The following KIAA1549L variants were observed in gnomAD, a reference collection of about 807,000 sequenced individuals.
The protein encoded by KIAA1549L is KIAA1549 like, also known as UPF0606 protein KIAA1549L.
Under a neutral mutation model 160.7 loss-of-function variants are expected in KIAA1549L, and 88 were observed. The ratio of observed to expected loss-of-function variants is 0.55; its 90% CI spans 0.46 to 0.65. KIAA1549L has a LOEUF of 0.65. KIAA1549L is among the 30% of genes least tolerant of loss of function. The pLI, the probability that KIAA1549L is intolerant of heterozygous loss-of-function variation, is 0.00. For synonymous variants in KIAA1549L, 950 were observed against 976.7 expected (o/e 0.97, Z 0.51); for missense variants, 2,258 against 2,437.5 (o/e 0.93, Z 1.55).
intron 1 of KIAA1549L, among the ~76,000 whole-genome samples, chr11:33,399,979 T>C (rs1049760511): frequency 7.9e-5 from 12 of 152,362 alleles, no homozygotes; most frequent in African/African-American, 2.4e-4. Flanking sequence ...CTCATACTGC[T>C]AGGAAATCGA....
At chr11:33,445,405 A>G in intron 1 of KIAA1549L, among the ~76,000 whole-genome samples, 1 of 152,224 alleles carries the variant, frequency 6.6e-6, no homozygotes, top group South Asian at 2.1e-4. Context: ...CAGAAGAAAC[A>G]GACAAGCTGG....
chr11:33,556,070 T>G (rs1208646146), intron 6 of KIAA1549L, among the ~76,000 whole-genome samples: 1 of 152,176 alleles, frequency 6.6e-6, no homozygotes, highest in African/African-American at 2.4e-5. Flanking sequence ...ATGCTCTGCG[T>G]CACTAATCAT....
At chr11:33,433,463 A>G (rs1177858868) in intron 1 of KIAA1549L, among the ~76,000 whole-genome samples, 1 of 152,180 alleles carries the variant, frequency 6.6e-6, no homozygotes, top group East Asian at 1.9e-4. Context: ...GGTTGTGGAG[A>G]AATAGGAACG....
chr11:33,658,986 AC>A, intron 19 of KIAA1549L, 88 bp downstream of exon 19: 1 of 1,336,332 alleles, frequency 7.5e-7, no homozygotes, highest in Non-Finnish European at 1.0e-6. Context: ...TCTCCTTTCT[AC>A]CTACCACCCT....
intron 16 of KIAA1549L, among the ~76,000 whole-genome samples, chr11:33,645,135 G>A (rs978848230): frequency 6.6e-6 from 1 of 152,198 alleles, no homozygotes; most frequent in Admixed American, 6.5e-5. Flanking sequence ...ACAGATGGCT[G>A]GGCCTCACCC....
intron 1 of KIAA1549L, among the ~76,000 whole-genome samples, chr11:33,415,277 T>A (rs1850866073): frequency 6.6e-6 from 1 of 152,216 alleles, no homozygotes; most frequent in African/African-American, 2.4e-5. Flanking sequence ...TATTTGACAG[T>A]GGATTGCATA....
chr11:33,642,511 C>G (rs998011094), intron 16 of KIAA1549L, among the ~76,000 whole-genome samples: 1 of 151,402 alleles, frequency 6.6e-6, no homozygotes, highest in Non-Finnish European at 1.5e-5. Context: ...GCTGCTGTAT[C>G]GTTCCCCTAT....
chr11:33,531,188 G>A (rs1477417067), intron 1 of KIAA1549L, among the ~76,000 whole-genome samples: 1 of 152,114 alleles, frequency 6.6e-6, no homozygotes, highest in Non-Finnish European at 1.5e-5. Flanking sequence ...TGGGGAGGCA[G>A]AGAGGCCAGT....
intron 1 of KIAA1549L, among the ~76,000 whole-genome samples, chr11:33,499,779 A>G (rs1565160098): frequency 1.3e-5 from 2 of 152,224 alleles, no homozygotes; most frequent in African/African-American, 4.8e-5. Context: ...CATTTATTTG[A>G]TAAATGTGCA....
At chr11:33,647,518 A>T (rs549900352) in intron 17 of KIAA1549L, among the ~76,000 whole-genome samples, 2 of 152,188 alleles carry the variant, frequency 1.3e-5, no homozygotes, top group Non-Finnish European at 2.9e-5. Flanking sequence ...CCGAGAAGTT[A>T]TAAGTTTTTG....
At chr11:33,485,228 C>T (rs1852496261) in intron 1 of KIAA1549L, among the ~76,000 whole-genome samples, 1 of 152,150 alleles carries the variant, frequency 6.6e-6, no homozygotes, top group Non-Finnish European at 1.5e-5. Context: ...TCAACTTGCC[C>T]CTTTCGAGTC....
At chr11:33,413,845 C>G (rs1217815920) in intron 1 of KIAA1549L, among the ~76,000 whole-genome samples, 1 of 152,140 alleles carries the variant, frequency 6.6e-6, no homozygotes, top group Admixed American at 6.5e-5. Flanking sequence ...CTCTGCATAC[C>G]TGTCCTTTTA....
At chr11:33,432,053 A>AGCCCAC (rs1851258939) in intron 1 of KIAA1549L, among the ~76,000 whole-genome samples, 2 of 152,194 alleles carry the variant, frequency 1.3e-5, no homozygotes, top group African/African-American at 4.8e-5. Context: ...GGGCCTGCCA[A>AGCCCAC]GCCCACGCCC....
intron 1 of KIAA1549L, among the ~76,000 whole-genome samples, chr11:33,540,799 G>C (rs78520552): frequency 4.5e-4 from 69 of 152,298 alleles, no homozygotes; most frequent in African/African-American, 1.6e-3. Context: ...CTGATCTGGT[G>C]ATCAGGAGAC....
At chr11:33,408,510 T>TATATATATATATATATATAC (rs58439063) in intron 1 of KIAA1549L, among the ~76,000 whole-genome samples, 23 of 146,100 alleles carry the variant, frequency 1.6e-4, no homozygotes, top group African/African-American at 5.1e-4. Context: ...TATATATATA[T>TATATATATATATATATATAC]ACACATGTAT....
intron 16 of KIAA1549L, among the ~76,000 whole-genome samples, chr11:33,643,387 GTTGCTAAGGAGTA>G (rs1192464744): frequency 2.0e-5 from 3 of 152,164 alleles, no homozygotes; most frequent in Non-Finnish European, 4.4e-5. Flanking sequence ...ATAGGGAGAT[GTTGCTAAGGAGTA>G]TGCTTTTGCC....
intron 18 of KIAA1549L, among the ~76,000 whole-genome samples, chr11:33,658,107 G>A (rs1359511198): frequency 8.5e-5 from 13 of 152,242 alleles, no homozygotes; most frequent in Admixed American, 8.5e-4. Flanking sequence ...AGCCTAGGCT[G>A]CCCTCTTCTT....
chr11:33,535,415 G>A (rs537394823), intron 1 of KIAA1549L, among the ~76,000 whole-genome samples: 1 of 152,296 alleles, frequency 6.6e-6, no homozygotes, highest in African/African-American at 2.4e-5. Context: ...GCTCATGCTG[G>A]TAATCTCAGC....
intron 1 of KIAA1549L, among the ~76,000 whole-genome samples, chr11:33,443,022 T>G (rs1851540539): frequency 6.6e-6 from 1 of 152,218 alleles, no homozygotes; most frequent in African/African-American, 2.4e-5. Context: ...TTCAAAATGA[T>G]TTGCTTAATT....
Sources: gnomAD v4.1 joint callset for allele counts (sites outside exome capture counted in the v4.1 genomes callset) on GRCh38, gnomAD v4.1.1 for gene constraint, MANE v1.5 for transcripts, NCBI Gene and HGNC (gene_info 2026-07-23, HGNC 2026-07-21) for gene names.